The following SCNN1B variants were observed in gnomAD, a reference collection of about 807,000 sequenced individuals.
SCNN1B encodes the protein sodium channel epithelial 1 subunit beta, also known as epithelial sodium channel subunit beta.
A neutral mutation model predicts 65.3 loss-of-function variants in SCNN1B; 46 were observed. That is an observed-to-expected ratio of 0.70 (90% CI 0.56 to 0.90). The LOEUF (loss-of-function observed/expected upper bound fraction) is 0.90, where lower values mean the gene tolerates loss of function less well. Among genes scored for constraint, SCNN1B ranks in the 40% least tolerant of loss-of-function variants. The probability of loss-of-function intolerance (pLI) is 0.00; values close to 1 mark genes in which losing one functional copy is unlikely to be tolerated. For synonymous variants in SCNN1B, 349 were observed against 330.6 expected (o/e 1.06, Z -0.60); for missense variants, 751 against 830.5 (o/e 0.90, Z 1.18).
intron 1 of SCNN1B, among the ~76,000 whole-genome samples, chr16:23,307,133 TCA>T (rs1961236281): frequency 6.6e-6 from 1 of 152,230 alleles, no homozygotes; most frequent in South Asian, 2.1e-4. Flanking sequence ...TTGCTGAGCC[TCA>T]GTTTTCTCAC....
intron 1 of SCNN1B, among the ~76,000 whole-genome samples, 176 bp downstream of exon 1, chr16:23,302,613 C>G (rs1961108491): frequency 6.6e-6 from 1 of 152,042 alleles, no homozygotes; most frequent in African/African-American, 2.4e-5. Context: ...GGGGACTGAA[C>G]GGGTTGGGGG....
chr16:23,378,163 C>A (rs140967483), intron 10 of SCNN1B, among the ~76,000 whole-genome samples: 1 of 152,262 alleles, frequency 6.6e-6, no homozygotes, highest in East Asian at 1.9e-4. Flanking sequence ...GCACATGCCA[C>A]CAGGCCTGGC....
intron 1 of SCNN1B, among the ~76,000 whole-genome samples, chr16:23,330,141 T>C (rs1961781532): frequency 2.0e-5 from 3 of 152,328 alleles, no homozygotes; most frequent in Non-Finnish European, 2.9e-5. Context: ...CAGCTACCCA[T>C]GTGTCGCCTT....
chr16:23,334,937 A>C (rs778961726), intron 1 of SCNN1B, among the ~76,000 whole-genome samples: 2 of 152,244 alleles, frequency 1.3e-5, no homozygotes, highest in African/African-American at 2.4e-5. Context: ...ATTATGGAAC[A>C]GTTTAATCTT....
chr16:23,379,977 C>A, intron 11 of SCNN1B, 117 bp from the exon 12 acceptor site: 2 of 820,602 alleles, frequency 2.4e-6, no homozygotes, highest in South Asian at 1.4e-5. Flanking sequence ...CATGTGTGTG[C>A]ATACATGTGG....
At chr16:23,305,904 G>A (rs115433377) in intron 1 of SCNN1B, among the ~76,000 whole-genome samples, 414 of 152,068 alleles carry the variant, frequency 2.7e-3, no homozygotes, top group African/African-American at 9.7e-3. Context: ...GTAACACCAC[G>A]GACTCCACAG....
chr16:23,282,172 C>T (rs1042312973), intron 1 of SCNN1B, among the ~76,000 whole-genome samples: 2 of 152,168 alleles, frequency 1.3e-5, no homozygotes, highest in Admixed American at 6.5e-5. Flanking sequence ...TTCACCACTA[C>T]ACACTATATC....
At chr16:23,328,111 T>G (rs1961734524) in intron 1 of SCNN1B, among the ~76,000 whole-genome samples, 1 of 152,204 alleles carries the variant, frequency 6.6e-6, no homozygotes, top group African/African-American at 2.4e-5. Context: ...GTGTTTTATC[T>G]AATCTGGTGA....
rs143007171 is a variant in SCNN1B, at chr16:23,353,026, A to C, written c.537A>C (p.Ala179=). The part of the protein sequence containing the change: ...DNHNGLTSSS[A]SEKICNAHGC... ...ACAATGGCTTAACAAGCAGCTCAGC[A>C]TCAGAAAAGATCTGTAATGCCCACG... is the stretch of plus-strand genomic sequence containing the variant. Residue 179 remains alanine (A), a synonymous_variant, in exon 3 of 13, where the codon GCA becomes GCC. Coordinates refer to ENST00000343070, the MANE Select transcript of SCNN1B (RefSeq NM_000336.3). The C allele has an allele frequency of 4.3e-5, 70 of 1,614,218 alleles. No homozygotes were observed. The African/African-American group carries it at 8.8e-4, about 20-fold the overall frequency.
In SCNN1B at chr16:23,348,625, A is replaced by G; in HGVS notation, c.26A>G (p.Lys9Arg). The G allele has an allele frequency of 1.9e-6, 3 of 1,613,274 alleles. No homozygotes were observed. The highest frequency in any genetic ancestry group is 2.5e-6 in the Non-Finnish European group (3 of 1,179,968). MHVKKYLL[K>R]GLHRLQKGPG... is the part of the protein sequence containing the mutation. ...ATGCACGTGAAGAAGTACCTGCTGA[A>G]GGGCCTGCATCGGCTGCAGAAGGGC... Residue 9 changes from lysine to arginine, a missense_variant, in exon 2 of 13, where the codon AAG (lysine) becomes AGG (arginine). Lys to Arg is a conservative substitution (Grantham distance 26). Coordinates refer to ENST00000343070, the MANE Select transcript of SCNN1B (RefSeq NM_000336.3). This position sits in a 1 kb window ranked among gnomAD's most constrained non-coding sequence, Gnocchi z 4.5.
chr16:23,314,503 C>T (rs1340304446), intron 1 of SCNN1B, among the ~76,000 whole-genome samples: 2 of 152,116 alleles, frequency 1.3e-5, no homozygotes, highest in African/African-American at 2.4e-5. Flanking sequence ...ACAGAGCTAG[C>T]AAATGGTGTG....
At chr16:23,314,271 T>C (rs1961405085) in intron 1 of SCNN1B, among the ~76,000 whole-genome samples, 2 of 151,674 alleles carry the variant, frequency 1.3e-5, no homozygotes, top group African/African-American at 4.8e-5. Context: ...CACTCAATCT[T>C]CTCACCTTGG....
At position 23,370,918 on chromosome 16, in the gene SCNN1B, A is replaced by G. The variant is rs554374257; in HGVS notation, c.881-381A>G. On this transcript the variant is annotated intron_variant, in intron 5 of 12. Coordinates refer to ENST00000343070, the MANE Select transcript of SCNN1B (RefSeq NM_000336.3). Reference sequence around the variant, plus strand: ...TCCAGAGTGAGGGAACAGCATTTGCAAAGGCATAGCAGGAGGAAGGCGTGC... The same window carrying G: ...TCCAGAGTGAGGGAACAGCATTTGCGAAGGCATAGCAGGAGGAAGGCGTGC... Among the ~76,000 whole-genome samples, 5 of 152,370 alleles carry G rather than the reference A, an allele frequency of 3.3e-5. No homozygotes were observed. In the East Asian group the frequency reaches 9.6e-4, roughly 29 times the overall value.
rs1962228919 is a variant in SCNN1B, at chr16:23,348,279, A to G, written c.-8-313A>G. Among the ~76,000 whole-genome samples, 1 of 152,192 alleles carries G rather than the reference A, an allele frequency of 6.6e-6. No homozygotes were observed. Among genetic ancestry groups the G allele is most frequent in the South Asian group, 2.1e-4 (1 of 4,828 alleles). On this transcript the variant is annotated intron_variant, in intron 1 of 12. Transcript: ENST00000343070. The surrounding 1 kb of genome is among the most constrained non-coding windows in gnomAD (Gnocchi z 4.5). ...AGTTGAGAGTTTAAGTCACTTGTTC[A>G]CTAGGTTATGAATTCCCAAAGGGCA... is the stretch of plus-strand genomic sequence containing the variant.
intron 1 of SCNN1B, among the ~76,000 whole-genome samples, chr16:23,330,745 A>C (rs1056608549): frequency 6.6e-6 from 1 of 151,992 alleles, no homozygotes; most frequent in East Asian, 1.9e-4. Context: ...GCTAATTTGT[A>C]AATTTTTTCT....
chr16:23,354,495 C>A (rs1158473229), intron 3 of SCNN1B, among the ~76,000 whole-genome samples: 1 of 152,216 alleles, frequency 6.6e-6, no homozygotes, highest in Non-Finnish European at 1.5e-5. Context: ...CGTGTCTGTG[C>A]GATGACTTGG....
At chr16:23,365,620 A>AGAGAAAGAAAG (rs11399911) in intron 4 of SCNN1B, among the ~76,000 whole-genome samples, 6 of 80,502 alleles carry the variant, frequency 7.5e-5, no homozygotes, top group East Asian at 3.9e-4. Context: ...AAAGAAAGAA[A>AGAGAAAGAAAG]AAAGAAAGAA....
intron 1 of SCNN1B, among the ~76,000 whole-genome samples, chr16:23,313,758 C>T (rs149008069): frequency 0.015 from 2,273 of 152,202 alleles, 60 homozygotes; most frequent in African/African-American, 0.048. Context: ...ACTATAGGCA[C>T]GCGCCACCAC....
chr16:23,309,351 G>T (rs540317285), intron 1 of SCNN1B, among the ~76,000 whole-genome samples: 2 of 152,028 alleles, frequency 1.3e-5, no homozygotes, highest in South Asian at 4.2e-4. Context: ...TATTAGTTAG[G>T]GTTCTCTAGA....
Sources: allele counts gnomAD v4.1 joint callset (sites outside exome capture counted in the v4.1 genomes callset), GRCh38; gene constraint gnomAD v4.1.1; non-coding constraint Gnocchi (gnomAD v3.1); transcripts MANE v1.5; gene names NCBI Gene and HGNC (gene_info 2026-07-23, HGNC 2026-07-21).